The following SLC12A8 variants were observed in gnomAD, a reference collection of about 807,000 sequenced individuals.
SLC12A8 encodes cation-chloride cotransporter 9.
A neutral mutation model predicts 75.6 loss-of-function variants in SLC12A8; 69 were observed. That is an observed-to-expected ratio of 0.91 (90% CI 0.75 to 1.11). The LOEUF (loss-of-function observed/expected upper bound fraction) is 1.11, where lower values mean the gene tolerates loss of function less well. Among genes scored for constraint, SLC12A8 ranks in the 50% most tolerant of loss-of-function variants. The pLI is 0.00. For missense variants in SLC12A8, 877 were observed against 896.7 expected (o/e 0.98, Z 0.28); for synonymous variants, 365 against 372.8 (o/e 0.98, Z 0.24).
chr3:125,170,497 C>T (rs536354692), intron 5 of SLC12A8, among the ~76,000 whole-genome samples: 2 of 152,220 alleles, frequency 1.3e-5, no homozygotes, highest in South Asian at 2.1e-4. Flanking sequence ...TGAAGGATAT[C>T]CATGATATGT....
At chr3:125,131,537 C>T (rs1933356665) in intron 6 of SLC12A8, among the ~76,000 whole-genome samples, 1 of 152,076 alleles carries the variant, frequency 6.6e-6, no homozygotes, top group South Asian at 2.1e-4. Context: ...ACAGGCATGC[C>T]CTACCACACC....
At chr3:125,152,395 G>A (rs759008616) in intron 5 of SLC12A8, among the ~76,000 whole-genome samples, 2 of 152,110 alleles carry the variant, frequency 1.3e-5, no homozygotes, top group Non-Finnish European at 2.9e-5. Flanking sequence ...CAGATTTACT[G>A]TTTGAATTTG....
In SLC12A8 at chr3:125,135,665, AT is replaced by A. The variant is rs763616448; in HGVS notation, c.736+3del. 1 of 1,576,544 alleles carries A rather than the reference AT, an allele frequency of 6.3e-7. No individual in the cohort carries two copies. The highest frequency in any genetic ancestry group is 8.6e-7 in the Non-Finnish European group (1 of 1,160,808). On this transcript the variant is annotated splice_donor_region_variant and intron_variant, in intron 6 of 13. Transcript: ENST00000469902. ...AGAGTAAAAAAGAACCCAGATTACA[AT>A]ACCTGTAGCCGCTGGGAAGAAAACC...
At position 125,110,220 on chromosome 3, in the gene SLC12A8, A is replaced by G. The variant is rs1177088072; in HGVS notation, c.1028T>C (p.Val343Ala). ...RILQCIAQEKVIPALACLGQG... is the reference protein window; with the variant it reads ...RILQCIAQEKAIPALACLGQG... The stretch of plus-strand genomic sequence containing the variant: ...TCCCAGACAGGCAAGTGCAGGGATC[A>G]CTTTCTCCTGGGCAATGCACTGCAG... Residue 343 changes from valine (V) to alanine (A), a missense_variant, in exon 9 of 14, where the codon GTG becomes GCG. Coordinates refer to ENST00000469902, the MANE Select transcript of SLC12A8 (RefSeq NM_024628.6). 1 of 1,613,832 alleles carries G rather than the reference A, an allele frequency of 6.2e-7. No individual in the cohort carries two copies. The highest frequency in any genetic ancestry group is 1.3e-5 in the African/African-American group (1 of 74,912).
At chr3:125,105,586 G>A (rs1021240568) in intron 10 of SLC12A8, among the ~76,000 whole-genome samples, 2 of 152,086 alleles carry the variant, frequency 1.3e-5, no homozygotes, top group Admixed American at 6.5e-5. Context: ...GAGCAAAAAA[G>A]GAAATGTAAT....
intron 5 of SLC12A8, among the ~76,000 whole-genome samples, chr3:125,148,711 G>C (rs1160602899): frequency 6.6e-6 from 1 of 152,090 alleles, no homozygotes; most frequent in East Asian, 1.9e-4. Context: ...GTCAGCCCAG[G>C]ACTTCCTGCC....
chr3:125,120,603 T>G lies in SLC12A8; in HGVS notation c.820A>C (p.Ile274Leu). The G allele has an allele frequency of 6.2e-7, 1 of 1,612,660 alleles. No homozygotes were observed. Among genetic ancestry groups the G allele is most frequent in the Non-Finnish European group, 8.5e-7 (1 of 1,179,118 alleles). Residue 274 changes from isoleucine to leucine, a missense_variant, in exon 7 of 14, where the codon ATC (isoleucine) becomes CTC (leucine). By Grantham distance (5) the Ile-to-Leu change is conservative. Transcript: ENST00000469902. ...ATTGCCATGAGGGGAACTTACGAGA[T>G]GCCAACAGCTGCCAGGGAGCCCAGG... Reference protein sequence around the residue: ...IPLGSLAAVGISWFLYIIFVF... With the variant: ...IPLGSLAAVGLSWFLYIIFVF...
At chr3:125,140,152 G>T (rs2078986435) in intron 5 of SLC12A8, among the ~76,000 whole-genome samples, 1 of 152,212 alleles carries the variant, frequency 6.6e-6, no homozygotes. Flanking sequence ...TGTGCACAGA[G>T]ATTGTGCAGG....
chr3:125,093,339 A>G (rs1296330615), intron 10 of SLC12A8, among the ~76,000 whole-genome samples: 1 of 152,138 alleles, frequency 6.6e-6, no homozygotes, highest in Non-Finnish European at 1.5e-5. Flanking sequence ...CCAATATCAA[A>G]TTTCCACTTC....
At chr3:125,130,583 C>A (rs1933326107) in intron 6 of SLC12A8, among the ~76,000 whole-genome samples, 1 of 134,082 alleles carries the variant, frequency 7.5e-6, no homozygotes, top group Non-Finnish European at 1.6e-5. Flanking sequence ...CAGAGCGAGA[C>A]CCTGTCTTAA....
At chr3:125,090,218 G>A (rs768906357) in intron 12 of SLC12A8, among the ~76,000 whole-genome samples, 3 of 151,926 alleles carry the variant, frequency 2.0e-5, no homozygotes, top group Admixed American at 6.6e-5. Context: ...CTTATTCAAG[G>A]ATTTTCTGAT....
chr3:125,107,602 C>T lies in SLC12A8; in HGVS notation c.1584G>A (p.Trp528Ter). ...TGTTCCAGCAGGACTCCTGCCCCTC[C>T]CAGGAGGCAGCGGGCAACCTGTCAG... ...EISDRLPAASWEGQESCWNKQ... is the reference protein window; with the variant it reads ...EISDRLPAAS The change falls in exon 10 of 14, where the codon TGG becomes TGA. Residue 528 changes from tryptophan to a stop codon, truncating the protein, a stop_gained. Transcript: ENST00000469902. LOFTEE classifies it high-confidence loss of function. 6.2e-7 allele frequency: 1 copy of T among 1,614,200 alleles called. No individual in the cohort carries two copies. The highest frequency in any genetic ancestry group is 2.2e-5 in the East Asian group (1 of 44,888).
intron 4 of SLC12A8, among the ~76,000 whole-genome samples, chr3:125,181,383 T>C (rs565878798): frequency 5.1e-4 from 76 of 148,894 alleles, no homozygotes; most frequent in East Asian, 3.0e-3. Context: ...GGGTGGATCA[T>C]GAGGTCAGGA....
At chr3:125,103,443 T>A (rs1390217994) in intron 10 of SLC12A8, among the ~76,000 whole-genome samples, 2 of 147,136 alleles carry the variant, frequency 1.4e-5, no homozygotes, top group African/African-American at 5.0e-5. Flanking sequence ...TCTAAACAGT[T>A]TTTTAGTACT....
chr3:125,176,670 G>A (rs1469927541), intron 5 of SLC12A8, among the ~76,000 whole-genome samples: 1 of 151,978 alleles, frequency 6.6e-6, no homozygotes, highest in African/African-American at 2.4e-5. Flanking sequence ...CAAAGGATAT[G>A]AACAGACACT....
chr3:125,195,680 C>T (rs1232860844), intron 2 of SLC12A8, among the ~76,000 whole-genome samples: 1 of 151,910 alleles, frequency 6.6e-6, no homozygotes, highest in African/African-American at 2.4e-5. Context: ...TCACACATGG[C>T]TCAGCCCGCA....
chr3:125,140,256 C>G (rs1320735923), intron 5 of SLC12A8, among the ~76,000 whole-genome samples: 2 of 152,222 alleles, frequency 1.3e-5, no homozygotes, highest in Non-Finnish European at 2.9e-5. Context: ...CACTGAACAA[C>G]AAGACCTTAC....
chr3:125,092,131 G>A lies in SLC12A8; in HGVS notation c.1773C>T (p.His591=). Residue 591 remains histidine (H), a synonymous_variant, in exon 11 of 14, where the codon CAC becomes CAT. Transcript: ENST00000469902. The part of the protein sequence containing the change: ...VWRRSTSFYT[H]MCNPWVSLLG... ...ACAGGGAGACCCAGGGGTTGCACAT[G>A]TGGGTATAGAAAGAAGTGGATCTTC... The A allele has an allele frequency of 6.2e-7, 1 of 1,612,682 alleles. No individual in the cohort carries two copies. The highest frequency in any genetic ancestry group is 1.7e-4 in the Middle Eastern group (1 of 6,052).
chr3:125,192,108 T>C (rs1017837318), intron 2 of SLC12A8, among the ~76,000 whole-genome samples: 1 of 152,068 alleles, frequency 6.6e-6, no homozygotes, highest in African/African-American at 2.4e-5. Context: ...CTGTCTCTGC[T>C]TGTGTTCCAC....
Sources: allele counts gnomAD v4.1 joint callset (sites outside exome capture counted in the v4.1 genomes callset), GRCh38; gene constraint gnomAD v4.1.1; transcripts MANE v1.5; gene names NCBI Gene and HGNC (gene_info 2026-07-23, HGNC 2026-07-21).